Variants in FSTL5 observed in about 807,000 individuals in gnomAD.
FSTL5 encodes the protein follistatin like 5, also known as follistatin-related protein 5.
Under a neutral mutation model 89.1 loss-of-function variants are expected in FSTL5, and 62 were observed. The observed-to-expected ratio is 0.70, with a 90% CI of 0.57 to 0.86. The LOEUF (loss-of-function observed/expected upper bound fraction) is 0.86, where lower values mean the gene tolerates loss of function less well. FSTL5 is among the 40% of genes least tolerant of loss of function. The pLI is 0.00. For missense variants in FSTL5, 1,057 were observed against 1,001.6 expected (o/e 1.06, Z -0.75); for synonymous variants, 383 against 346.2 (o/e 1.11, Z -1.18).
intron 4 of FSTL5, among the ~76,000 whole-genome samples, chr4:161,870,433 A>G (rs1732228103): frequency 6.6e-6 from 1 of 152,140 alleles, no homozygotes; most frequent in African/African-American, 2.4e-5. Flanking sequence ...GTATAGTGGA[A>G]GTTCAAAATA....
At chr4:161,473,995 CAT>C (rs1734038706) in intron 13 of FSTL5, among the ~76,000 whole-genome samples, 3 of 152,296 alleles carry the variant, frequency 2.0e-5, no homozygotes, top group South Asian at 4.1e-4. Context: ...TATTTTGCTA[CAT>C]GTCTTCTATA....
chr4:161,500,061 T>A lies in FSTL5; in HGVS notation c.1413A>T (p.Glu471Asp), dbSNP rs1730242578. The A allele has an allele frequency of 1.2e-6, 2 of 1,611,010 alleles. No homozygotes were observed. Among genetic ancestry groups the A allele is most frequent in the Non-Finnish European group, 1.7e-6 (2 of 1,177,966 alleles). ...CACTAGGCTTAATGTGCCTCTGAAA[T>A]TCACATTCTATGGGTTGTATCACTT... ...GIKVIQPIEC[E>D]FQRHIKPSEK... is the part of the protein sequence containing the mutation. The change falls in exon 12 of 16, where the codon GAA becomes GAT. Residue 471 changes from glutamate to aspartate, a missense_variant. Physicochemically the swap from Glu to Asp is conservative, Grantham distance 45. Coordinates refer to ENST00000306100, the MANE Select transcript of FSTL5 (RefSeq NM_020116.5).
chr4:161,385,575 A>G lies in FSTL5; in HGVS notation c.*172T>C. ...GTATTTCTAATTAACCAATATAATTAATTGTGTATGTCTTAGTCACTTAGT... is the reference window on the plus strand; with the variant it reads ...GTATTTCTAATTAACCAATATAATTGATTGTGTATGTCTTAGTCACTTAGT... On this transcript the variant is annotated 3_prime_UTR_variant, in exon 16 of 16. Coordinates refer to ENST00000306100, the MANE Select transcript of FSTL5 (RefSeq NM_020116.5). The G allele has an allele frequency of 1.8e-6, 1 of 546,914 alleles. No individual in the cohort carries two copies. Among genetic ancestry groups the G allele is most frequent in the Non-Finnish European group, 3.2e-6 (1 of 312,392 alleles). 33.9% of individuals were successfully genotyped at this position (546,914 alleles called of 1,614,324 possible). A position where few individuals can be genotyped will look rare whatever the true frequency, so the allele number is the denominator to read the frequency against.
At position 161,455,098 on chromosome 4, in the gene FSTL5, G is replaced by A. The variant is rs1431638068; in HGVS notation, c.1747C>T (p.His583Tyr). The change falls in exon 15 of 16, where the codon CAC (histidine) becomes TAC (tyrosine). Residue 583 changes from histidine (H) to tyrosine (Y), a missense_variant. By Grantham distance (83) the His-to-Tyr change is moderately conservative. Coordinates refer to ENST00000306100, the MANE Select transcript of FSTL5 (RefSeq NM_020116.5). Reference sequence around the variant, plus strand: ...ACTGGTTGGGTGTGGATCGTGTGGTGAGGCACATTCCCACTGGCCAGGGTA... The same window carrying A: ...ACTGGTTGGGTGTGGATCGTGTGGTAAGGCACATTCCCACTGGCCAGGGTA... ...VITLASGNVP[H>Y]HTIHTQPVGK... is the part of the protein sequence containing the mutation. The A allele has an allele frequency of 5.6e-6, 9 of 1,610,534 alleles. No homozygotes were observed. Among genetic ancestry groups the A allele is most frequent in the Non-Finnish European group, 7.6e-6 (9 of 1,178,636 alleles).
chr4:162,013,120 G>A (rs996308675), intron 3 of FSTL5, among the ~76,000 whole-genome samples: 3 of 151,430 alleles, frequency 2.0e-5, no homozygotes, highest in Non-Finnish European at 4.4e-5. Flanking sequence ...GGAGGTGAAG[G>A]TTGTAATGAG....
At chr4:161,997,658 G>A (rs1169781502) in intron 3 of FSTL5, among the ~76,000 whole-genome samples, 2 of 141,612 alleles carry the variant, frequency 1.4e-5, no homozygotes, top group Admixed American at 7.4e-5. Flanking sequence ...AGGCTGGAGT[G>A]CAGTGGCACG....
At chr4:162,036,916 A>G (rs1737762015) in intron 2 of FSTL5, among the ~76,000 whole-genome samples, 1 of 151,924 alleles carries the variant, frequency 6.6e-6, no homozygotes, top group Non-Finnish European at 1.5e-5. Flanking sequence ...AAATTTGTAC[A>G]AAGTGGGAAA....
chr4:161,926,177 G>A (rs906381956), intron 3 of FSTL5, among the ~76,000 whole-genome samples: 3 of 151,834 alleles, frequency 2.0e-5, no homozygotes, highest in African/African-American at 7.3e-5. Flanking sequence ...TTCATGACCT[G>A]TAATAATTGG....
chr4:161,811,007 T>A (rs1269604239), intron 4 of FSTL5, among the ~76,000 whole-genome samples: 2 of 152,126 alleles, frequency 1.3e-5, no homozygotes, highest in Admixed American at 1.3e-4. Flanking sequence ...CCTTTAATCT[T>A]CCCAAAACTT....
At position 162,121,120 on chromosome 4, in the gene FSTL5, TGATATATA is replaced by T. The variant is rs1731841369; in HGVS notation, c.-16-9716_-16-9709del. Among the ~76,000 whole-genome samples the T allele has an allele frequency of 2.0e-5, 3 of 151,782 alleles. No homozygotes were observed. The East Asian group carries it at 5.8e-4, about 29-fold the overall frequency. ...TGTATGTAAATATACATTTAGTTATTGATATATAGATATATAAACATATAGATGTTTAT... is the reference window on the plus strand; with the variant it reads ...TGTATGTAAATATACATTTAGTTATTGATATATAAACATATAGATGTTTAT... On this transcript the variant is annotated intron_variant, in intron 1 of 15. Coordinates refer to ENST00000306100, the MANE Select transcript of FSTL5 (RefSeq NM_020116.5).
chr4:161,893,623 T>C lies in FSTL5; in HGVS notation c.409+26781A>G, dbSNP rs200819071. On this transcript the variant is annotated intron_variant, in intron 4 of 15. Coordinates refer to ENST00000306100, the MANE Select transcript of FSTL5 (RefSeq NM_020116.5). ...AAATGAGCAGACATACTCTTTTGTTTTCTCATCAGGTAATTCAAAATGGTT... is the reference window on the plus strand; with the variant it reads ...AAATGAGCAGACATACTCTTTTGTTCTCTCATCAGGTAATTCAAAATGGTT... Among the ~76,000 whole-genome samples the C allele has an allele frequency of 1.8e-3, 267 of 152,294 alleles. 5 individuals carry two copies. In the South Asian group the frequency reaches 0.051, roughly 29 times the overall value.
intron 7 of FSTL5, among the ~76,000 whole-genome samples, chr4:161,632,230 A>G (rs1246713708): frequency 6.6e-6 from 1 of 151,996 alleles, no homozygotes; most frequent in African/African-American, 2.4e-5. Context: ...AATACAAAAA[A>G]TTAGTTGGGT....
At chr4:161,900,587 C>A (rs991784461) in intron 4 of FSTL5, among the ~76,000 whole-genome samples, 2 of 130,302 alleles carry the variant, frequency 1.5e-5, no homozygotes, top group Admixed American at 2.0e-4. Flanking sequence ...TGCAGTAAGT[C>A]CAGATTGAGC....
At position 161,538,290 on chromosome 4, in the gene FSTL5, A is replaced by G. The variant is rs766664063; in HGVS notation, c.1188T>C (p.Ser396=). Residue 396 remains serine, a synonymous_variant, in exon 10 of 16, where the codon AGT becomes AGC. Coordinates refer to ENST00000306100, the MANE Select transcript of FSTL5 (RefSeq NM_020116.5). ...SKQLTLQANG[S]EVHISNVRYE... ...AGCGCACATTGCTTATGTGAACCTC[A>G]CTGCCATTTGCTGAAAAAAGAAGGG... The G allele has an allele frequency of 8.1e-6, 13 of 1,613,756 alleles. No homozygotes were observed. The highest frequency in any genetic ancestry group is 2.2e-5 in the East Asian group (1 of 44,880).
At chr4:161,804,880 A>G (rs2126832998) in intron 4 of FSTL5, among the ~76,000 whole-genome samples, 1 of 152,192 alleles carries the variant, frequency 6.6e-6, no homozygotes, top group South Asian at 2.1e-4. Context: ...ACAATTTCTC[A>G]GCCCCCTGGA....
intron 15 of FSTL5, among the ~76,000 whole-genome samples, chr4:161,407,293 T>G (rs557304160): frequency 1.3e-5 from 2 of 152,204 alleles, no homozygotes; most frequent in Non-Finnish European, 2.9e-5. Context: ...GATGGCCAAG[T>G]AGATGCATAC....
At chr4:161,878,987 TAAAATTTACATACTGTATTTCTCACTC>T (rs1732539556) in intron 4 of FSTL5, among the ~76,000 whole-genome samples, 1 of 152,184 alleles carries the variant, frequency 6.6e-6, no homozygotes, top group African/African-American at 2.4e-5. Flanking sequence ...CTCCTAAATG[TAAAATTTACATACTGTATTTCTCACTC>T]AAAATCTCCA....
intron 7 of FSTL5, among the ~76,000 whole-genome samples, chr4:161,654,466 C>G (rs1328279966): frequency 6.6e-6 from 1 of 152,028 alleles, no homozygotes; most frequent in Non-Finnish European, 1.5e-5. Context: ...TTAAATGCAC[C>G]TGAGATATGT....
At chr4:161,427,247 T>C (rs1732195539) in intron 15 of FSTL5, among the ~76,000 whole-genome samples, 1 of 152,246 alleles carries the variant, frequency 6.6e-6, no homozygotes, top group Non-Finnish European at 1.5e-5. Flanking sequence ...AGCAGCCATA[T>C]TATATGCTAT....
Sources: gnomAD v4.1 joint callset for allele counts (sites outside exome capture counted in the v4.1 genomes callset) on GRCh38, gnomAD v4.1.1 for gene constraint, MANE v1.5 for transcripts, NCBI Gene and HGNC (gene_info 2026-07-23, HGNC 2026-07-21) for gene names.